The following ANO5 variants were observed in gnomAD, a reference collection of about 807,000 sequenced individuals.
ANO5 encodes the protein anoctamin-5.
ANO5 carries 109 observed loss-of-function variants against 121.0 expected under a neutral mutation model. The observed-to-expected ratio is 0.90, with a 90% CI of 0.77 to 1.06. The LOEUF is 1.06. ANO5 is among the 50% of genes least tolerant of loss of function. The pLI, the probability that ANO5 is intolerant of heterozygous loss-of-function variation, is 0.00. For missense variants in ANO5, 1,064 were observed against 1,078.5 expected, an observed-to-expected ratio of 0.99 and a Z score of 0.19; for synonymous variants, 406 against 359.9, an observed-to-expected ratio of 1.13 and a Z score of -1.45.
intron 9 of ANO5, among the ~76,000 whole-genome samples, chr11:22,247,585 A>G (rs970291099): frequency 6.6e-6 from 1 of 152,112 alleles, no homozygotes; most frequent in African/African-American, 2.4e-5. Context: ...GACAAAAATA[A>G]GGAAGACAGA....
chr11:22,245,878 C>T (rs561706788), intron 9 of ANO5, among the ~76,000 whole-genome samples: 4 of 152,120 alleles, frequency 2.6e-5, no homozygotes, highest in South Asian at 2.1e-4. Flanking sequence ...GGCATCATGT[C>T]GGCACTCAAA....
intron 19 of ANO5, 137 bp from the exon 20 acceptor site, chr11:22,274,432 C>A: frequency 2.5e-6 from 2 of 814,038 alleles, no homozygotes; most frequent in Non-Finnish European, 3.7e-6. Flanking sequence ...CAAAGACTTG[C>A]ATATTACTAT....
intron 9 of ANO5, among the ~76,000 whole-genome samples, chr11:22,242,836 T>C (rs1411892574): frequency 6.6e-6 from 1 of 152,146 alleles, no homozygotes; most frequent in Non-Finnish European, 1.5e-5. Context: ...GTAGAATCAT[T>C]TGGCAACAAA....
chr11:22,220,229 C>G (rs1292673005), intron 4 of ANO5, among the ~76,000 whole-genome samples: 1 of 152,004 alleles, frequency 6.6e-6, no homozygotes, highest in African/African-American at 2.4e-5. Context: ...AATTGGAAAA[C>G]TATCTAATTG....
In ANO5 at chr11:22,193,110, A is replaced by G; in HGVS notation, c.-383A>G. On this transcript the variant is annotated 5_prime_UTR_variant, in exon 1 of 22. Coordinates refer to ENST00000324559, the MANE Select transcript of ANO5 (RefSeq NM_213599.3). ...GGAAAGGATCCTGGCGAGCACCGGGAGGAGTGGCGGCTGCGGGATCAGCTG... is the reference window on the plus strand; with the variant it reads ...GGAAAGGATCCTGGCGAGCACCGGGGGGAGTGGCGGCTGCGGGATCAGCTG... 9.0e-7 allele frequency: 1 copy of G among 1,105,752 alleles called. No homozygotes were observed. 68.5% of individuals were successfully genotyped at this position (1,105,752 alleles called of 1,614,324 possible).
intron 9 of ANO5, among the ~76,000 whole-genome samples, chr11:22,248,368 C>T (rs917862736): frequency 3.2e-4 from 48 of 152,086 alleles, no homozygotes; most frequent in African/African-American, 1.1e-3. Flanking sequence ...AAGGCTCTCC[C>T]TATATTTGAG....
In ANO5 at chr11:22,227,545, G is replaced by A. The variant is rs750779803; in HGVS notation, c.607G>A (p.Asp203Asn). ...RHRQELFLIE[D>N]QATFFPSSSR... ...TCGGCAGGAGCTCTTCCTCATCGAA[G>A]ATCAGGCAACCTTCTTTCCATCCTC... Residue 203 changes from aspartate to asparagine, a missense_variant, in exon 7 of 22, where the codon GAT becomes AAT. Physicochemically the swap from Asp to Asn is conservative, Grantham distance 23. Transcript: ENST00000324559. 1.1e-5 allele frequency: 18 copies of A among 1,613,502 alleles called. No individual in the cohort carries two copies. The highest frequency in any genetic ancestry group is 1.5e-5 in the Non-Finnish European group (18 of 1,179,716).
At chr11:22,245,679 CAATTT>C (rs1853591907) in intron 9 of ANO5, among the ~76,000 whole-genome samples, 1 of 152,052 alleles carries the variant, frequency 6.6e-6, no homozygotes, top group Non-Finnish European at 1.5e-5. Flanking sequence ...CTACCTATTT[CAATTT>C]GTTTTTAATT....
intron 1 of ANO5, among the ~76,000 whole-genome samples, chr11:22,200,404 A>G (rs1851931110): frequency 6.6e-6 from 1 of 152,148 alleles, no homozygotes; most frequent in Admixed American, 6.5e-5. Flanking sequence ...GTACTTTTTC[A>G]TGAGGCAACC....
intron 14 of ANO5, 82 bp downstream of exon 14, chr11:22,257,836 T>A: frequency 1.7e-6 from 2 of 1,184,884 alleles, no homozygotes; most frequent in South Asian, 1.3e-5. Context: ...CTACAATGTC[T>A]CTTGAGTCTT....
chr11:22,252,766 T>C (rs1853870147), intron 12 of ANO5, among the ~76,000 whole-genome samples: 3 of 152,200 alleles, frequency 2.0e-5, no homozygotes, highest in Admixed American at 2.0e-4. Flanking sequence ...TAATGTAAGA[T>C]GTTCACCTAT....
Position 22,253,527 on chromosome 11 carries a change from T to G in ANO5, c.1181-1844T>G, listed in dbSNP as rs573489800. 7.4e-3 allele frequency among the ~76,000 whole-genome samples: 1,122 copies of G among 152,238 alleles called. 13 individuals carry two copies. The highest frequency in any genetic ancestry group is 0.026 in the African/African-American group (1,063 of 41,546). On this transcript the variant is annotated intron_variant, in intron 12 of 21. Transcript: ENST00000324559. ...AAAATTAATGGTAGTTGTTCTATTG[T>G]AGTATAAACAAACAAGCAAATATTA...
At chr11:22,262,453 G>A (rs962514230) in intron 16 of ANO5, among the ~76,000 whole-genome samples, 155 bp downstream of exon 16, 25 of 152,098 alleles carry the variant, frequency 1.6e-4, no homozygotes, top group African/African-American at 6.0e-4. Flanking sequence ...GATGAATCCT[G>A]TCATTTGATA....
chr11:22,246,209 C>T (rs1853608685), intron 9 of ANO5, among the ~76,000 whole-genome samples: 1 of 152,268 alleles, frequency 6.6e-6, no homozygotes, highest in Admixed American at 6.5e-5. Context: ...CTTTTCAGAT[C>T]CTTTCTTATA....
At position 22,250,224 on chromosome 11, in the gene ANO5, C is replaced by A. The variant is rs1476777363; in HGVS notation, c.879-13C>A. On this transcript the variant is annotated splice_polypyrimidine_tract_variant and intron_variant, in intron 9 of 21. Transcript: ENST00000324559. ...CTTCCATATTCTGATTCTGTTTTTA[C>A]TCTTTTTCACAGGAATTATTATGGA... 6.4e-7 allele frequency: 1 copy of A among 1,563,830 alleles called. No individual in the cohort carries two copies. Among genetic ancestry groups the A allele is most frequent in the Non-Finnish European group, 8.8e-7 (1 of 1,138,034 alleles).
intron 9 of ANO5, among the ~76,000 whole-genome samples, chr11:22,245,489 A>C (rs1192025760): frequency 2.0e-5 from 3 of 151,452 alleles, no homozygotes; most frequent in Non-Finnish European, 4.4e-5. Context: ...TTTAGTTTTT[A>C]TATTTCTGGG....
In ANO5 at chr11:22,212,146, G is replaced by A. The variant is rs753643481; in HGVS notation, c.138+832G>A. 3.5e-4 allele frequency among the ~76,000 whole-genome samples: 53 copies of A among 151,622 alleles called. 1 individual carries two copies. The highest frequency in any genetic ancestry group is 5.3e-4 in the Admixed American group (8 of 15,188). On this transcript the variant is annotated intron_variant, in intron 3 of 21. Coordinates refer to ENST00000324559, the MANE Select transcript of ANO5 (RefSeq NM_213599.3). ...AAATATTTTCCTTTAAAACATTTAC[G>A]AAAATATTTTACCACGAGAACACAT...
chr11:22,241,760 G>T (rs1853440612), intron 9 of ANO5, among the ~76,000 whole-genome samples: 1 of 152,000 alleles, frequency 6.6e-6, no homozygotes, highest in African/African-American at 2.4e-5. Flanking sequence ...TTGTTGACTT[G>T]TTTGAGTTCC....
chr11:22,269,274 A>G (rs1464689643), intron 17 of ANO5, among the ~76,000 whole-genome samples: 1 of 52,682 alleles, frequency 1.9e-5, no homozygotes, highest in Non-Finnish European at 4.1e-5. Flanking sequence ...AAGGGAAGGG[A>G]AGGGAAGAGA....
Sources: allele counts gnomAD v4.1 joint callset (sites outside exome capture counted in the v4.1 genomes callset), GRCh38; gene constraint gnomAD v4.1.1; transcripts MANE v1.5; gene names NCBI Gene and HGNC (gene_info 2026-07-23, HGNC 2026-07-21).